CDH13: variants seen among roughly 807,000 people sequenced by gnomAD.
The protein encoded by CDH13 is cadherin 13.
A neutral mutation model predicts 63.8 loss-of-function variants in CDH13; 24 were observed. That is an observed-to-expected ratio of 0.38 (90% CI 0.27 to 0.53). CDH13 has a LOEUF of 0.53. Among genes scored for constraint, CDH13 ranks in the 20% least tolerant of loss-of-function variants. CDH13 has a pLI of 0.85. For synonymous variants in CDH13, 503 were observed against 355.3 expected, an observed-to-expected ratio of 1.42 and a Z score of -4.67; for missense variants, 1,049 against 903.1, an observed-to-expected ratio of 1.16 and a Z score of -2.07.
At chr16:83,365,439 A>T (rs1340342668) in intron 6 of CDH13, among the ~76,000 whole-genome samples, 1 of 152,208 alleles carries the variant, frequency 6.6e-6, no homozygotes, top group Non-Finnish European at 1.5e-5. Context: ...CCAGAATAAG[A>T]GTTGCCCAAG....
intron 1 of CDH13, among the ~76,000 whole-genome samples, chr16:82,776,113 G>A (rs1371506793): frequency 1.3e-5 from 2 of 152,114 alleles, no homozygotes; most frequent in Non-Finnish European, 2.9e-5. Flanking sequence ...GGGTGGGTGA[G>A]GCATGAGAAT....
Position 83,315,641 on chromosome 16 carries a change from T to TAA in CDH13, c.637-29210_637-29209dup, listed in dbSNP as rs11420080. Among the ~76,000 whole-genome samples, 345 of 147,348 alleles carry TAA rather than the reference T, an allele frequency of 2.3e-3. 2 individuals are homozygous for TAA. Among genetic ancestry groups the TAA allele is most frequent in the Non-Finnish European group, 3.4e-3 (224 of 66,688 alleles). ...CCAAATATGTTACAAACTCTGGATT[T>TAA]AAAAAAAAAAAACAGCTCTAAGAAA... is the stretch of plus-strand genomic sequence containing the variant. On this transcript the variant is annotated intron_variant, in intron 5 of 13. Transcript: ENST00000567109.
At chr16:82,838,569 T>A (rs1465961842) in intron 1 of CDH13, among the ~76,000 whole-genome samples, 1 of 152,228 alleles carries the variant, frequency 6.6e-6, no homozygotes, top group Non-Finnish European at 1.5e-5. Context: ...AGATGCTCAT[T>A]GCTTCTGGGC....
At chr16:83,149,822 G>A (rs1429370188) in intron 4 of CDH13, among the ~76,000 whole-genome samples, 1 of 152,118 alleles carries the variant, frequency 6.6e-6, no homozygotes, top group Non-Finnish European at 1.5e-5. Context: ...ATGTCTTGTT[G>A]GTAGTTGAAG....
At chr16:83,338,932 C>T (rs559563508) in intron 5 of CDH13, among the ~76,000 whole-genome samples, 2 of 152,136 alleles carry the variant, frequency 1.3e-5, no homozygotes, top group Non-Finnish European at 2.9e-5. Flanking sequence ...TGATGAGAAA[C>T]CATTGAAAGG....
At chr16:82,871,064 G>T (rs556399974) in intron 2 of CDH13, among the ~76,000 whole-genome samples, 2 of 152,184 alleles carry the variant, frequency 1.3e-5, no homozygotes, top group Admixed American at 1.3e-4. Flanking sequence ...AAACCATCTT[G>T]AAGTTTTTGA....
intron 1 of CDH13, among the ~76,000 whole-genome samples, chr16:82,845,925 T>C (rs2039237674): frequency 6.6e-6 from 1 of 152,236 alleles, no homozygotes; most frequent in African/African-American, 2.4e-5. Context: ...GTGAGCCCAG[T>C]GGCTTAATCC....
chr16:83,273,635 G>C (rs2088893630), intron 5 of CDH13, among the ~76,000 whole-genome samples: 2 of 152,144 alleles, frequency 1.3e-5, no homozygotes, highest in African/African-American at 4.8e-5. Flanking sequence ...CCAACAGGGA[G>C]GCCCATTTAA....
chr16:83,548,388 G>A (rs1038939511), intron 7 of CDH13, among the ~76,000 whole-genome samples: 1 of 152,138 alleles, frequency 6.6e-6, no homozygotes, highest in Non-Finnish European at 1.5e-5. Context: ...AACTAAGGAT[G>A]TGGCTAAATA....
chr16:82,658,302 G>C (rs1911534655), intron 1 of CDH13, among the ~76,000 whole-genome samples: 1 of 152,196 alleles, frequency 6.6e-6, no homozygotes, highest in Non-Finnish European at 1.5e-5. Context: ...AATGCCAGAA[G>C]AAAACAGTGC....
intron 5 of CDH13, among the ~76,000 whole-genome samples, chr16:83,326,803 C>A: frequency 6.6e-6 from 1 of 152,178 alleles, no homozygotes; most frequent in Non-Finnish European, 1.5e-5. Context: ...TCTAGAGGTC[C>A]TATAACAAAG....
chr16:83,268,338 T>C (rs1018174837), intron 5 of CDH13, among the ~76,000 whole-genome samples: 3 of 152,206 alleles, frequency 2.0e-5, no homozygotes, highest in African/African-American at 7.2e-5. Flanking sequence ...GTGTGTAGCC[T>C]GAGGGATCTG....
chr16:82,686,504 G>A (rs1331693361), intron 1 of CDH13, among the ~76,000 whole-genome samples: 3 of 152,210 alleles, frequency 2.0e-5, no homozygotes, highest in Admixed American at 1.3e-4. Flanking sequence ...AGAGGCAGCA[G>A]TGCGATGCAT....
chr16:83,189,522 C>A (rs569028978), intron 4 of CDH13, among the ~76,000 whole-genome samples: 1 of 152,314 alleles, frequency 6.6e-6, no homozygotes, highest in East Asian at 1.9e-4. Context: ...GATACACGTT[C>A]ACATGGCTAA....
chr16:82,735,151 G>A (rs1381770683), intron 1 of CDH13, among the ~76,000 whole-genome samples: 1 of 152,158 alleles, frequency 6.6e-6, no homozygotes, highest in Non-Finnish European at 1.5e-5. Context: ...ACAAGCCAAG[G>A]GGAAAGGCTT....
Position 82,842,098 on chromosome 16 carries a change from ATATATATATATATG to A in CDH13, c.46-16250_46-16237del, listed in dbSNP as rs761234020. 5.1e-3 allele frequency among the ~76,000 whole-genome samples: 166 copies of A among 32,600 alleles called. 2 individuals carry two copies. The highest frequency in any genetic ancestry group is 0.013 in the Middle Eastern group (1 of 80). The allele number at this position is 32,600 out of a possible 152,430, so 21.4% of individuals were successfully genotyped here. A position where few individuals can be genotyped will look rare whatever the true frequency, so the allele number is the denominator to read the frequency against. ...AGCCAGTCTTGCATTCTACATATATATATATATATATATGTATATATATATATATATATATATAT... is the reference window on the plus strand; with the variant it reads ...AGCCAGTCTTGCATTCTACATATATATATATATATATATATATATATATAT... On this transcript the variant is annotated intron_variant, in intron 1 of 13. Coordinates refer to ENST00000567109, the MANE Select transcript of CDH13 (RefSeq NM_001257.5).
chr16:83,116,325 C>T (rs762274295), intron 3 of CDH13, among the ~76,000 whole-genome samples: 6 of 151,834 alleles, frequency 4.0e-5, no homozygotes, highest in South Asian at 2.1e-4. Flanking sequence ...GGGGATGGGG[C>T]GGGGAAGGAG....
chr16:83,003,215 T>C (rs748477585), intron 2 of CDH13, among the ~76,000 whole-genome samples: 1 of 152,182 alleles, frequency 6.6e-6, no homozygotes, highest in African/African-American at 2.4e-5. Context: ...CTGAGGCCAA[T>C]GCAAATATAT....
chr16:82,747,009 T>C (rs2034205279), intron 1 of CDH13, among the ~76,000 whole-genome samples: 1 of 152,246 alleles, frequency 6.6e-6, no homozygotes, highest in South Asian at 2.1e-4. Flanking sequence ...AATTGAATTG[T>C]TAGATTGTCT....
Sources: allele counts gnomAD v4.1 joint callset (sites outside exome capture counted in the v4.1 genomes callset), GRCh38; gene constraint gnomAD v4.1.1; transcripts MANE v1.5; gene names NCBI Gene and HGNC (gene_info 2026-07-23, HGNC 2026-07-21).